ULBP1: variants seen among roughly 807,000 people sequenced by gnomAD.
ULBP1 encodes UL16-binding protein 1.
In ULBP1, 28 loss-of-function variants were observed where a neutral mutation model predicts 25.3. The observed-to-expected ratio is 1.10, with a 90% CI of 0.82 to 1.51. The LOEUF (loss-of-function observed/expected upper bound fraction) is 1.51. Among genes scored for constraint, ULBP1 ranks in the 40% most tolerant of loss-of-function variants. The probability of loss-of-function intolerance (pLI) is 0.00; values close to 1 mark genes in which losing one functional copy is unlikely to be tolerated. For synonymous variants in ULBP1, 129 were observed against 103.0 expected, an observed-to-expected ratio of 1.25 and a Z score of -1.53; for missense variants, 348 against 290.9, an observed-to-expected ratio of 1.20 and a Z score of -1.43.
intron 4 of ULBP1, among the ~76,000 whole-genome samples, chr6:149,970,696 C>T (rs547668667): frequency 6.6e-6 from 1 of 152,358 alleles, no homozygotes; most frequent in Non-Finnish European, 1.5e-5. Context: ...AAGAGTAGAG[C>T]GTGTCCAGGG....
intron 3 of ULBP1, among the ~76,000 whole-genome samples, chr6:149,969,808 G>A (rs756174706): frequency 3.3e-5 from 5 of 152,068 alleles, no homozygotes; most frequent in South Asian, 2.1e-4. Flanking sequence ...CTGTCACCTC[G>A]CTTCCCTTAG....
intron 1 of ULBP1, 31 bp downstream of exon 1, chr6:149,964,165 G>A (rs1779153046): frequency 6.2e-7 from 1 of 1,613,216 alleles, no homozygotes; most frequent in Non-Finnish European, 8.5e-7. Context: ...TAAGCAGGGC[G>A]GGGGCCAAAC....
intron 3 of ULBP1, among the ~76,000 whole-genome samples, 179 bp downstream of exon 3, chr6:149,969,539 C>T (rs1474295790): frequency 1.3e-5 from 2 of 152,170 alleles, no homozygotes; most frequent in Non-Finnish European, 2.9e-5. Context: ...CCTTCTTCCC[C>T]CTGACTCCTC....
At chr6:149,965,477 G>A (rs1779189416) in intron 1 of ULBP1, among the ~76,000 whole-genome samples, 1 of 152,236 alleles carries the variant, frequency 6.6e-6, no homozygotes, top group Non-Finnish European at 1.5e-5. Context: ...GGCTACAGAG[G>A]GCAAGGTAGG....
At position 149,969,563 on chromosome 6, in the gene ULBP1, C is replaced by A. The variant is rs77414099; in HGVS notation, c.625+203C>A. Reference sequence around the variant, plus strand: ...CCCTGACTCCTCTTCCTCACTGCACCTGCTTCTGCTCTACCCACCGCATTT... The same window carrying A: ...CCCTGACTCCTCTTCCTCACTGCACATGCTTCTGCTCTACCCACCGCATTT... On this transcript the variant is annotated intron_variant, in intron 3 of 4. Coordinates refer to ENST00000229708, the MANE Select transcript of ULBP1 (RefSeq NM_025218.4). Among the ~76,000 whole-genome samples the A allele has an allele frequency of 1.4e-4, 22 of 152,256 alleles. No individual in the cohort carries two copies. The East Asian group carries it at 2.1e-3, about 15-fold the overall frequency.
At position 149,965,094 on chromosome 6, in the gene ULBP1, C is replaced by T. The variant is rs116173007; in HGVS notation, c.85+960C>T. ...GGACCAGCGCGATCTCCCCGAATAT[C>T]GCGGTCTACCCGAACATCGCGGCCT... On this transcript the variant is annotated intron_variant, in intron 1 of 4. Coordinates refer to ENST00000229708, the MANE Select transcript of ULBP1 (RefSeq NM_025218.4). Among the ~76,000 whole-genome samples the T allele has an allele frequency of 3.2e-3, 475 of 147,452 alleles. 2 individuals are homozygous for T. Among genetic ancestry groups the T allele is most frequent in the African/African-American group, 0.012 (449 of 38,606 alleles).
intron 1 of ULBP1, among the ~76,000 whole-genome samples, chr6:149,965,632 T>C (rs551812161): frequency 6.6e-6 from 1 of 152,132 alleles, no homozygotes; most frequent in Non-Finnish European, 1.5e-5. Context: ...GCCACAGCCC[T>C]GCTCTGCTCT....
chr6:149,968,013 T>G (rs1779234301), intron 1 of ULBP1, among the ~76,000 whole-genome samples: 3 of 152,184 alleles, frequency 2.0e-5, no homozygotes, highest in Non-Finnish European at 4.4e-5. Flanking sequence ...ATTCTTTCCC[T>G]TACACCCTGA....
Position 149,971,557 on chromosome 6 carries a change from G to A in ULBP1, c.*211G>A, listed in dbSNP as rs1779317944. On this transcript the variant is annotated 3_prime_UTR_variant, in exon 5 of 5. Coordinates refer to ENST00000229708, the MANE Select transcript of ULBP1 (RefSeq NM_025218.4). Reference sequence around the variant, plus strand: ...ACATCTCAGGCCACTCATTACCTTCGCTCATGATCCCAGCAGCCATTTTTC... The same window carrying A: ...ACATCTCAGGCCACTCATTACCTTCACTCATGATCCCAGCAGCCATTTTTC... 2 of 220,044 alleles carry A rather than the reference G, an allele frequency of 9.1e-6. No individual in the cohort carries two copies. The highest frequency in any genetic ancestry group is 1.5e-5 in the Non-Finnish European group (2 of 130,842). The allele number at this position is 220,044 out of a possible 1,614,324, so 13.6% of individuals were successfully genotyped here.
In ULBP1 at chr6:149,969,076, A is replaced by G. The variant is rs1414487358; in HGVS notation, c.350-9A>G. The G allele has an allele frequency of 1.5e-5, 25 of 1,613,508 alleles. No homozygotes were observed. Among genetic ancestry groups the G allele is most frequent in the Non-Finnish European group, 1.9e-5 (22 of 1,179,584 alleles). Reference sequence around the variant, plus strand: ...CAAGATCAGAGCTGATCTCTTTGCAATGGGGCAGAGCCCCTCACCCTGCAG... The same window carrying G: ...CAAGATCAGAGCTGATCTCTTTGCAGTGGGGCAGAGCCCCTCACCCTGCAG... On this transcript the variant is annotated splice_polypyrimidine_tract_variant and intron_variant, in intron 2 of 4. Transcript: ENST00000229708.
chr6:149,967,296 G>A (rs1779220516), intron 1 of ULBP1, among the ~76,000 whole-genome samples: 1 of 152,242 alleles, frequency 6.6e-6, no homozygotes, highest in South Asian at 2.1e-4. Flanking sequence ...TGTCTACTAG[G>A]AGTGTCTGGG....
rs1162617064 is a variant in ULBP1, at chr6:149,972,288, A to G, written c.*942A>G. ...TCCCTATTCGAAAATTAGTGCTGGA[A>G]TATCTGGCCAACCATATGCAGAAGA... On this transcript the variant is annotated 3_prime_UTR_variant, in exon 5 of 5. Coordinates refer to ENST00000229708, the MANE Select transcript of ULBP1 (RefSeq NM_025218.4). 6.6e-6 allele frequency: 1 copy of G among 152,210 alleles called. No individual in the cohort carries two copies. The highest frequency in any genetic ancestry group is 1.5e-5 in the Non-Finnish European group (1 of 68,038). 9.4% of individuals were successfully genotyped at this position (152,210 alleles called of 1,614,324 possible).
chr6:149,964,932 C>A (rs114927699), intron 1 of ULBP1, among the ~76,000 whole-genome samples: 1,771 of 141,520 alleles, frequency 0.013, 40 homozygotes, highest in African/African-American at 0.039. Context: ...TCCCCCGAAA[C>A]ATTGCGATCT....
intron 1 of ULBP1, among the ~76,000 whole-genome samples, chr6:149,967,887 T>C (rs376350017): frequency 3.3e-5 from 5 of 152,146 alleles, no homozygotes; most frequent in South Asian, 4.1e-4. Flanking sequence ...TGGGGCCTTC[T>C]TTATATGCTG....
In ULBP1 at chr6:149,969,998, C is replaced by T; in HGVS notation, c.626-18C>T. ...TTGAGCCTGGACAAGGGTTGTCACT[C>T]CTGTGTTTCCATTTCAGAACCACCC... On this transcript the variant is annotated intron_variant, in intron 3 of 4. Coordinates refer to ENST00000229708, the MANE Select transcript of ULBP1 (RefSeq NM_025218.4). The T allele has an allele frequency of 1.9e-6, 3 of 1,602,564 alleles. No individual in the cohort carries two copies. Among genetic ancestry groups the T allele is most frequent in the Non-Finnish European group, 2.6e-6 (3 of 1,174,404 alleles).
At position 149,969,160 on chromosome 6, in the gene ULBP1, T is replaced by A; in HGVS notation, c.425T>A (p.Leu142His). ...HGHGRGSWQF[L>H]FNGQKFLLFD... ...CACGGCAGAGGATCTTGGCAGTTCC[T>A]CTTCAATGGACAGAAGTTCCTCCTC... Residue 142 changes from leucine to histidine, a missense_variant, in exon 3 of 5, where the codon CTC becomes CAC. Coordinates refer to ENST00000229708, the MANE Select transcript of ULBP1 (RefSeq NM_025218.4). 1 of 1,614,248 alleles carries A rather than the reference T, an allele frequency of 6.2e-7. No homozygotes were observed. Among genetic ancestry groups the A allele is most frequent in the South Asian group, 1.1e-5 (1 of 91,090 alleles).
chr6:149,964,134 G>A lies in ULBP1; in HGVS notation c.85G>A (p.Asp29Asn), dbSNP rs375967476. Reference sequence around the variant, plus strand: ...TGGCTGGTCCCGGGCAGGATGGGTCGGTGAGTTCGGGGATGTAGCCTAAGC... The same window carrying A: ...TGGCTGGTCCCGGGCAGGATGGGTCAGTGAGTTCGGGGATGTAGCCTAAGC... Reference protein sequence around the residue: ...LSGWSRAGWVDTHCLCYDFII... With the variant: ...LSGWSRAGWVNTHCLCYDFII... The change falls in exon 1 of 5, where the codon GAC (aspartate) becomes AAC (asparagine). Residue 29 changes from aspartate to asparagine, a missense_variant and splice_region_variant. By Grantham distance (23) the Asp-to-Asn change is conservative (BLOSUM62 1). Coordinates refer to ENST00000229708, the MANE Select transcript of ULBP1 (RefSeq NM_025218.4). The A allele has an allele frequency of 1.1e-5, 18 of 1,614,032 alleles. No homozygotes were observed. In the Admixed American group the frequency reaches 1.5e-4, roughly 13 times the overall value.
In ULBP1 at chr6:149,971,486, G is replaced by A. The variant is rs897186343; in HGVS notation, c.*140G>A. The A allele has an allele frequency of 7.3e-6, 6 of 826,462 alleles. No individual in the cohort carries two copies. The highest frequency in any genetic ancestry group is 1.9e-5 in the African/African-American group (1 of 52,798). The allele number at this position is 826,462 out of a possible 1,614,324, so 51.2% of individuals were successfully genotyped here. On this transcript the variant is annotated 3_prime_UTR_variant, in exon 5 of 5. Transcript: ENST00000229708. ...CTGGAAAGCAGGAGTTCAAGCCTTA[G>A]CAAGCCCAGAGGCCCCCAGCAGACG...
rs1171508579 is a variant in ULBP1, at chr6:149,972,965, C to A, written c.*1619C>A. ...TAGAACTACCATTCAATCCCGCAAT[C>A]CCACTACTCGGGATATACCCACAGG... On this transcript the variant is annotated 3_prime_UTR_variant, in exon 5 of 5. Transcript: ENST00000229708. 1 of 152,152 alleles carries A rather than the reference C, an allele frequency of 6.6e-6. No homozygotes were observed. Among genetic ancestry groups the A allele is most frequent in the Non-Finnish European group, 1.5e-5 (1 of 68,024 alleles). 9.4% of individuals were successfully genotyped at this position (152,152 alleles called of 1,614,324 possible). A position where few individuals can be genotyped will look rare whatever the true frequency, so the allele number is the denominator to read the frequency against.
Sources: allele counts gnomAD v4.1 joint callset (sites outside exome capture counted in the v4.1 genomes callset), GRCh38; gene constraint gnomAD v4.1.1; transcripts MANE v1.5; gene names NCBI Gene and HGNC (gene_info 2026-07-23, HGNC 2026-07-21).